UGT8: variants seen among roughly 807,000 people sequenced by gnomAD.
The protein encoded by UGT8 is 2-hydroxyacylsphingosine 1-beta-galactosyltransferase.
UGT8 carries 12 observed loss-of-function variants against 40.5 expected under a neutral mutation model. The ratio of observed to expected loss-of-function variants is 0.30; its 90% confidence interval spans 0.19 to 0.48. The LOEUF (loss-of-function observed/expected upper bound fraction) is 0.48, where lower values mean the gene tolerates loss of function less well. UGT8 is among the 20% of genes least tolerant of loss of function. The pLI is 0.99. For missense variants in UGT8, 513 were observed against 648.7 expected (o/e 0.79, Z 2.27); for synonymous variants, 224 against 240.4 (o/e 0.93, Z 0.63).
intron 1 of UGT8, among the ~76,000 whole-genome samples, chr4:114,603,830 G>C (rs1048230832): frequency 6.6e-6 from 1 of 152,194 alleles, no homozygotes; most frequent in East Asian, 1.9e-4. Flanking sequence ...AATGCTACCT[G>C]TTTTATGGAA....
chr4:114,646,323 G>A (rs916661845), intron 2 of UGT8, among the ~76,000 whole-genome samples: 3 of 151,312 alleles, frequency 2.0e-5, no homozygotes, highest in African/African-American at 7.3e-5. Flanking sequence ...CTAATTTAAG[G>A]TATATCAGAT....
rs373561023 is a variant in UGT8 at position 114,675,921 on chromosome 4, A to G, written c.1263-4A>G. 4 of 1,608,008 alleles carry G rather than the reference A, an allele frequency of 2.5e-6. No homozygotes were observed. The South Asian group carries it at 3.3e-5, about 13-fold the overall frequency. On this transcript the variant is annotated splice_region_variant and splice_polypyrimidine_tract_variant and intron_variant, in intron 5 of 5. Coordinates refer to ENST00000310836, the MANE Select transcript of UGT8 (RefSeq NM_001128174.3). ...TCATTCTGTGTTTTGTCCCCTCTCC[A>G]TAGCTACCGTCAGAGGGCTCAGAAG...
At chr4:114,633,610 G>A (rs745636555) in intron 2 of UGT8, among the ~76,000 whole-genome samples, 3 of 152,152 alleles carry the variant, frequency 2.0e-5, no homozygotes, top group Non-Finnish European at 4.4e-5. Context: ...TCCTTCTGAG[G>A]CTTTAGATGG....
chr4:114,611,129 A>C (rs976622405), intron 1 of UGT8, among the ~76,000 whole-genome samples: 2 of 152,068 alleles, frequency 1.3e-5, no homozygotes, highest in African/African-American at 4.8e-5. Context: ...CTAACAAAAC[A>C]TTTTAAAATG....
chr4:114,658,763 A>G (rs1484825817), intron 2 of UGT8, among the ~76,000 whole-genome samples: 1 of 152,116 alleles, frequency 6.6e-6, no homozygotes, highest in Non-Finnish European at 1.5e-5. Context: ...AGAAGGCATT[A>G]CCCAATGAGT....
At chr4:114,627,490 C>G (rs550256351) in intron 2 of UGT8, among the ~76,000 whole-genome samples, 5 of 152,114 alleles carry the variant, frequency 3.3e-5, no homozygotes, top group East Asian at 3.9e-4. Context: ...GATCTCCTGA[C>G]CTTGTGATCT....
At chr4:114,659,657 G>C (rs894991351) in intron 2 of UGT8, among the ~76,000 whole-genome samples, 1 of 152,098 alleles carries the variant, frequency 6.6e-6, no homozygotes, top group South Asian at 2.1e-4. Flanking sequence ...TTCCTGTATT[G>C]AGTGAAATGG....
At chr4:114,611,578 T>C (rs1249500724) in intron 1 of UGT8, among the ~76,000 whole-genome samples, 2 of 147,338 alleles carry the variant, frequency 1.4e-5, no homozygotes, top group Non-Finnish European at 3.0e-5. Flanking sequence ...GACACAAAAC[T>C]TTACATTCTT....
intron 1 of UGT8, among the ~76,000 whole-genome samples, chr4:114,600,091 G>T (rs541604105): frequency 2.7e-4 from 41 of 152,256 alleles, no homozygotes; most frequent in African/African-American, 9.1e-4. Flanking sequence ...AACGCGAATG[G>T]CTGGATTGCG....
At chr4:114,660,746 G>C (rs1306599170) in intron 2 of UGT8, among the ~76,000 whole-genome samples, 1 of 151,774 alleles carries the variant, frequency 6.6e-6, no homozygotes, top group Non-Finnish European at 1.5e-5. Context: ...CAAAAAATTA[G>C]CCGGGCGTAG....
chr4:114,628,893 A>T (rs1732409358), intron 2 of UGT8, among the ~76,000 whole-genome samples: 2 of 150,910 alleles, frequency 1.3e-5, no homozygotes, highest in African/African-American at 4.9e-5. Context: ...GAGTTATTAG[A>T]TTAGCCACTT....
Position 114,623,378 on chromosome 4 carries a change from T to G in UGT8, c.498T>G (p.Ala166=). Residue 166 remains alanine, a synonymous_variant, in exon 2 of 6, where the codon GCT becomes GCG. Coordinates refer to ENST00000310836, the MANE Select transcript of UGT8 (RefSeq NM_001128174.3). The stretch of plus-strand genomic sequence containing the variant: ...TTTCAACTGGCCTTTGGTATCCTGC[T>G]GAAGTGGGTGCTCCTGCTCCATTAG... ...AVFSTGLWYP[A]EVGAPAPLAY... is the part of the protein sequence containing the mutation. The G allele has an allele frequency of 6.2e-7, 1 of 1,614,220 alleles. No individual in the cohort carries two copies. Among genetic ancestry groups the G allele is most frequent in the Non-Finnish European group, 8.5e-7 (1 of 1,180,026 alleles).
chr4:114,623,454 C>G lies in UGT8; in HGVS notation c.574C>G (p.Gln192Glu). The change falls in exon 2 of 6, where the codon CAA (glutamine) becomes GAA (glutamate). Residue 192 changes from glutamine (Q) to glutamate (E), a missense_variant. Physicochemically the swap from Gln to Glu is conservative, Grantham distance 29 (BLOSUM62 2). Around this residue, in one of 3 missense-constraint regions of UGT8, gnomAD observed 335 missense variants for 444.8 expected, o/e 0.75. Transcript: ENST00000310836. ...SLLTDRMNLL[Q>E]RMKNTGVYLI... Reference sequence around the variant, plus strand: ...CCTCACAGACCGCATGAACTTGCTGCAAAGGATGAAAAATACCGGTGTTTA... The same window carrying G: ...CCTCACAGACCGCATGAACTTGCTGGAAAGGATGAAAAATACCGGTGTTTA... 1 of 1,614,186 alleles carries G rather than the reference C, an allele frequency of 6.2e-7. No individual in the cohort carries two copies. Among genetic ancestry groups the G allele is most frequent in the African/African-American group, 1.3e-5 (1 of 75,044 alleles).
intron 2 of UGT8, among the ~76,000 whole-genome samples, chr4:114,629,710 G>A (rs1248830674): frequency 1.3e-5 from 2 of 152,146 alleles, no homozygotes; most frequent in Non-Finnish European, 2.9e-5. Context: ...AAGCAACATT[G>A]TAGTTTTTAA....
At chr4:114,651,664 G>C (rs578166114) in intron 2 of UGT8, among the ~76,000 whole-genome samples, 23 of 152,068 alleles carry the variant, frequency 1.5e-4, no homozygotes, top group Non-Finnish European at 2.9e-4. Context: ...ATTAGAAGTA[G>C]AGAATATTAA....
At chr4:114,618,616 G>A (rs1402950914) in intron 1 of UGT8, among the ~76,000 whole-genome samples, 18 of 152,072 alleles carry the variant, frequency 1.2e-4, no homozygotes, top group Admixed American at 7.9e-4. Flanking sequence ...TGCTCCAGAT[G>A]TTCTAAACAT....
chr4:114,641,326 C>A (rs1474981188), intron 2 of UGT8, among the ~76,000 whole-genome samples: 1 of 152,090 alleles, frequency 6.6e-6, no homozygotes, highest in Non-Finnish European at 1.5e-5. Flanking sequence ...TTTGTTCAGT[C>A]TCACTTTGTT....
At chr4:114,665,872 A>T (rs1734836099) in intron 4 of UGT8, 116 bp downstream of exon 4, 1 of 628,384 alleles carries the variant, frequency 1.6e-6, no homozygotes, top group Admixed American at 4.1e-5. Context: ...TATGTAGTAT[A>T]TGGTAGAGTT....
rs114853353 is a variant in UGT8, at chr4:114,642,591, C to A, written c.822+18889C>A. ...ATGAGCAGCTGTATATTGAATCACC[C>A]AGCATGGACAGCTGAATAAACTAGC... is the stretch of plus-strand genomic sequence containing the variant. On this transcript the variant is annotated intron_variant, in intron 2 of 5. Coordinates refer to ENST00000310836, the MANE Select transcript of UGT8 (RefSeq NM_001128174.3). 1.4e-3 allele frequency among the ~76,000 whole-genome samples: 216 copies of A among 152,222 alleles called. 2 individuals are homozygous for A. Among genetic ancestry groups the A allele is most frequent in the African/African-American group, 5.0e-3 (208 of 41,542 alleles).
Sources: gnomAD v4.1 joint callset for allele counts (sites outside exome capture counted in the v4.1 genomes callset) on GRCh38, gnomAD v4.1.1 for gene constraint, gnomAD v4.1.1 regional missense constraint, MANE v1.5 for transcripts, NCBI Gene and HGNC (gene_info 2026-07-23, HGNC 2026-07-21) for gene names.